The following PTPRE variants were observed in gnomAD, a reference collection of about 807,000 sequenced individuals.
PTPRE encodes the protein receptor-type tyrosine-protein phosphatase epsilon.
In PTPRE, 51 loss-of-function variants were observed where a neutral mutation model predicts 102.0. That is an observed-to-expected ratio of 0.50 (90% confidence interval 0.40 to 0.63). PTPRE has a LOEUF of 0.63. Ranked by LOEUF, PTPRE falls within the 30% of genes least tolerant of loss-of-function variation. The pLI, the probability that PTPRE is intolerant of heterozygous loss-of-function variation, is 0.00. For missense variants in PTPRE, 752 were observed against 915.1 expected, an observed-to-expected ratio of 0.82 and a Z score of 2.30; for synonymous variants, 345 against 348.2, an observed-to-expected ratio of 0.99 and a Z score of 0.10.
intron 2 of PTPRE, among the ~76,000 whole-genome samples, chr10:128,010,563 TTTCTTTTC>T (rs1844908136): frequency 1.4e-5 from 2 of 143,450 alleles, no homozygotes; most frequent in African/African-American, 5.5e-5. Flanking sequence ...TTTCTTTTCT[TTTCTTTTC>T]TTTTCTTTTC....
intron 2 of PTPRE, among the ~76,000 whole-genome samples, chr10:128,038,712 C>T (rs555312484): frequency 1.3e-4 from 20 of 152,048 alleles, no homozygotes; most frequent in African/African-American, 2.2e-4. Flanking sequence ...GTGTAAATGA[C>T]GAGTTAGTGG....
chr10:128,013,819 C>T (rs1845204793), intron 2 of PTPRE, among the ~76,000 whole-genome samples: 1 of 152,172 alleles, frequency 6.6e-6, no homozygotes, highest in Admixed American at 6.6e-5. Context: ...CTGTTGTTTA[C>T]CCAGTCTAAG....
Position 128,085,248 on chromosome 10 carries a change from G to A in PTPRE, c.*2342G>A, listed in dbSNP as rs990478069. The A allele has an allele frequency of 2.3e-5, 8 of 342,968 alleles. No individual in the cohort carries two copies. Among genetic ancestry groups the A allele is most frequent in the South Asian group, 1.5e-4 (7 of 46,792 alleles). The allele number at this position is 342,968 out of a possible 1,614,324, so 21.2% of individuals were successfully genotyped here. On this transcript the variant is annotated 3_prime_UTR_variant, in exon 21 of 21. Coordinates refer to ENST00000254667, the MANE Select transcript of PTPRE (RefSeq NM_006504.6). Reference sequence around the variant, plus strand: ...ACGCTGGGGGAATCAATCCCTGAGGGACTCAGAATCTTCTCCGTGCAACCT... The same window carrying A: ...ACGCTGGGGGAATCAATCCCTGAGGAACTCAGAATCTTCTCCGTGCAACCT...
chr10:128,015,972 G>A (rs148881170), intron 2 of PTPRE, among the ~76,000 whole-genome samples: 74 of 152,336 alleles, frequency 4.9e-4, no homozygotes, highest in Middle Eastern at 3.4e-3. Flanking sequence ...CACGAGCTGC[G>A]TGTTTCCACT....
intron 1 of PTPRE, among the ~76,000 whole-genome samples, chr10:127,978,297 G>C (rs1851347913): frequency 6.6e-6 from 1 of 152,012 alleles, no homozygotes. Context: ...CCAGCACTTT[G>C]GGAGGCCAAG....
chr10:128,047,674 G>C, intron 4 of PTPRE, 90 bp from the exon 5 acceptor site: 3 of 1,614,140 alleles, frequency 1.9e-6, no homozygotes, highest in Non-Finnish European at 2.5e-6. Context: ...AGCTTTTCCC[G>C]GCTCACCTGG....
intron 1 of PTPRE, among the ~76,000 whole-genome samples, chr10:127,932,917 G>C (rs890027203): frequency 1.3e-5 from 2 of 152,196 alleles, no homozygotes; most frequent in Non-Finnish European, 2.9e-5. Context: ...CACAGGCTGT[G>C]GGCTGGGGGA....
At chr10:128,052,319 T>A (rs1246691013) in intron 6 of PTPRE, among the ~76,000 whole-genome samples, 1 of 152,194 alleles carries the variant, frequency 6.6e-6, no homozygotes, top group Non-Finnish European at 1.5e-5. Flanking sequence ...AGTTTTGACA[T>A]GTGTGCATTG....
chr10:127,932,171 T>A (rs1026976364), intron 1 of PTPRE, among the ~76,000 whole-genome samples: 4 of 152,208 alleles, frequency 2.6e-5, no homozygotes, highest in African/African-American at 9.7e-5. Context: ...CAACTTATGA[T>A]TGTCCTCCTC....
At chr10:128,066,596 G>A (rs768830704) in intron 11 of PTPRE, among the ~76,000 whole-genome samples, 50 of 152,130 alleles carry the variant, frequency 3.3e-4, no homozygotes, top group Non-Finnish European at 6.3e-4. Context: ...TCCACACTTG[G>A]GTTCTGCTAG....
chr10:128,072,842 T>C (rs1850901646), intron 16 of PTPRE, among the ~76,000 whole-genome samples: 1 of 152,218 alleles, frequency 6.6e-6, no homozygotes, highest in Admixed American at 6.5e-5. Flanking sequence ...ATTTCTGCAA[T>C]GTGTACCCAC....
At chr10:128,046,672 G>C (rs1326670392) in intron 3 of PTPRE, among the ~76,000 whole-genome samples, 1 of 152,176 alleles carries the variant, frequency 6.6e-6, no homozygotes, top group Non-Finnish European at 1.5e-5. Flanking sequence ...TGGGAGAGTG[G>C]GTGGGGTCCA....
At position 128,052,129 on chromosome 10, in the gene PTPRE, C is replaced by T. The variant is rs531460138; in HGVS notation, c.420+2463C>T. On this transcript the variant is annotated intron_variant, in intron 6 of 20. Coordinates refer to ENST00000254667, the MANE Select transcript of PTPRE (RefSeq NM_006504.6). ...AAGGGCTGGCCATGTCCTGAGTCCA[C>T]GTTGATGCAGCACCCGTCCTCTGAG... Among the ~76,000 whole-genome samples the T allele has an allele frequency of 5.3e-5, 8 of 152,292 alleles. No individual in the cohort carries two copies. The South Asian group carries it at 6.2e-4, about 12-fold the overall frequency.
At chr10:128,007,461 A>G (rs1213312416) in intron 2 of PTPRE, among the ~76,000 whole-genome samples, 3 of 152,236 alleles carry the variant, frequency 2.0e-5, no homozygotes, top group Non-Finnish European at 4.4e-5. Flanking sequence ...GTTAAAGTAA[A>G]TATTTCCAAT....
chr10:127,907,194 C>G lies in PTPRE; in HGVS notation c.-146C>G, dbSNP rs1845530783. 5.3e-6 allele frequency: 5 copies of G among 938,726 alleles called. No individual in the cohort carries two copies. The highest frequency in any genetic ancestry group is 6.3e-6 in the Non-Finnish European group (5 of 787,976). The allele number at this position is 938,726 out of a possible 1,614,324, so 58.1% of individuals were successfully genotyped here. A position where few individuals can be genotyped will look rare whatever the true frequency, so the allele number is the denominator to read the frequency against. On this transcript the variant is annotated 5_prime_UTR_variant, in exon 1 of 21. Coordinates refer to ENST00000254667, the MANE Select transcript of PTPRE (RefSeq NM_006504.6). The surrounding 1 kb of genome is among the most constrained non-coding windows in gnomAD (Gnocchi z 4.8). ...CACGGCCTCTGCGCGTCCCCGCGAC[C>G]CTTCTTCGCGCCCGGCGAAGACAGC...
intron 1 of PTPRE, among the ~76,000 whole-genome samples, chr10:127,956,901 G>C (rs1849444817): frequency 6.6e-6 from 1 of 151,866 alleles, no homozygotes; most frequent in African/African-American, 2.4e-5. Flanking sequence ...GTCTTTGCCT[G>C]TTTTTTTAAT....
intron 3 of PTPRE, among the ~76,000 whole-genome samples, chr10:128,044,991 G>A (rs1203434705): frequency 6.6e-6 from 1 of 152,242 alleles, no homozygotes; most frequent in Non-Finnish European, 1.5e-5. Flanking sequence ...CAGTGGGCTG[G>A]AACTCAGAAG....
At position 127,932,958 on chromosome 10, in the gene PTPRE, T is replaced by C. The variant is rs541798194; in HGVS notation, c.-31+25649T>C. On this transcript the variant is annotated intron_variant, in intron 1 of 20. Transcript: ENST00000254667. ...TCAGAGCTAGAGGCTGTCCCGATGC[T>C]TTAGCGGGTGGCTCCTTCCTCCATC... 2.6e-4 allele frequency among the ~76,000 whole-genome samples: 39 copies of C among 152,316 alleles called. 1 individual carries two copies. The South Asian group carries it at 7.7e-3, about 30-fold the overall frequency.
chr10:128,010,570 T>TCTTTTCTTTTCTTTC (rs1218033189), intron 2 of PTPRE, among the ~76,000 whole-genome samples: 24 of 145,802 alleles, frequency 1.6e-4, no homozygotes, highest in African/African-American at 6.3e-4. Flanking sequence ...TCTTTTCTTT[T>TCTTTTCTTTTCTTTC]CTTTTCTTTT....
Sources: gnomAD v4.1 joint callset for allele counts (sites outside exome capture counted in the v4.1 genomes callset) on GRCh38, gnomAD v4.1.1 for gene constraint, Gnocchi (gnomAD v3.1) non-coding constraint, MANE v1.5 for transcripts, NCBI Gene and HGNC (gene_info 2026-07-23, HGNC 2026-07-21) for gene names.